Variants in MUCL1 observed in about 807,000 individuals in gnomAD.
MUCL1 encodes mucin-like protein 1.
MUCL1 carries 11 observed loss-of-function variants against 9.2 expected under a neutral mutation model. That is an observed-to-expected ratio of 1.19 (90% confidence interval 0.75 to 1.97). MUCL1 has a LOEUF of 1.97. Among genes scored for constraint, MUCL1 ranks in the 30% most tolerant of loss-of-function variants. The probability of loss-of-function intolerance (pLI) is 0.00; values close to 1 mark genes in which losing one functional copy is unlikely to be tolerated. For missense variants in MUCL1, 144 were observed against 110.9 expected (o/e 1.30, Z -1.34); for synonymous variants, 48 against 40.5 (o/e 1.19, Z -0.71).
intron 1 of MUCL1, among the ~76,000 whole-genome samples, chr12:54,840,926 G>A (rs2135940873): frequency 6.6e-6 from 1 of 152,226 alleles, no homozygotes; most frequent in East Asian, 1.9e-4. Context: ...ACTCAAAACT[G>A]CCCCATGCCA....
chr12:54,850,162 T>A (rs1160743360), upstream of MUCL1, among the ~76,000 whole-genome samples: 1 of 151,502 alleles, frequency 6.6e-6, no homozygotes, highest in Non-Finnish European at 1.5e-5. Context: ...TAACTACTCA[T>A]TTTTTTTTAT....
At chr12:54,855,007 C>T in intron 1 of MUCL1, 109 bp from the exon 2 acceptor site, 1 of 897,186 alleles carries the variant, frequency 1.1e-6, no homozygotes, top group Middle Eastern at 2.1e-4. Context: ...ACACCAAGGA[C>T]TGAGGGTCTT....
intron 1 of MUCL1, among the ~76,000 whole-genome samples, chr12:54,842,417 A>G (rs566076685): frequency 3.9e-5 from 6 of 152,156 alleles, no homozygotes; most frequent in Non-Finnish European, 7.4e-5. Context: ...TTTATCATGT[A>G]CAACATGTTT....
At chr12:54,838,788 A>G (rs766899362), upstream of MUCL1, among the ~76,000 whole-genome samples, 92 of 152,154 alleles carry the variant, frequency 6.0e-4, no homozygotes, top group Non-Finnish European at 1.0e-3. Flanking sequence ...TTTTTCTTTA[A>G]GATATCTATC....
chr12:54,840,853 G>A (rs1959207144), intron 1 of MUCL1, among the ~76,000 whole-genome samples: 1 of 152,152 alleles, frequency 6.6e-6, no homozygotes, highest in South Asian at 2.1e-4. Context: ...GGCAAAGCAG[G>A]CCTCATACCT....
At chr12:54,850,495 T>C (rs11171128), upstream of MUCL1, among the ~76,000 whole-genome samples, 68,646 of 151,734 alleles carry the variant, frequency 0.45, 16,501 homozygotes, top group East Asian at 0.84. Context: ...GAACTCATCA[T>C]TTTTTATGGC....
chr12:54,841,315 G>C (rs958464948), intron 1 of MUCL1, among the ~76,000 whole-genome samples: 1 of 152,136 alleles, frequency 6.6e-6, no homozygotes, highest in Non-Finnish European at 1.5e-5. Flanking sequence ...ACATGAAGGG[G>C]CACAGATATC....
intron 1 of MUCL1, among the ~76,000 whole-genome samples, chr12:54,845,138 T>C (rs1454640): frequency 0.44 from 66,609 of 152,036 alleles, 15,492 homozygotes; most frequent in East Asian, 0.84. Flanking sequence ...ATGGCCTTTC[T>C]TTGCAGCTTG....
chr12:54,837,478 C>G (rs1292217788), upstream of MUCL1, among the ~76,000 whole-genome samples: 2 of 151,880 alleles, frequency 1.3e-5, no homozygotes, highest in African/African-American at 4.8e-5. Flanking sequence ...TATAAGAATC[C>G]TTATGGGCTG....
intron 1 of MUCL1, among the ~76,000 whole-genome samples, chr12:54,833,863 C>G (rs1959188793): frequency 1.3e-5 from 2 of 151,834 alleles, no homozygotes. Context: ...GGAAATATAC[C>G]TAATGCTAAA....
chr12:54,839,181 T>C (rs547587309), upstream of MUCL1, among the ~76,000 whole-genome samples: 176 of 152,114 alleles, frequency 1.2e-3, 1 homozygote, highest in African/African-American at 4.2e-3. Flanking sequence ...CTTTCAAATA[T>C]GAAGACTCTG....
At chr12:54,841,199 G>A (rs1959209796) in intron 1 of MUCL1, among the ~76,000 whole-genome samples, 1 of 152,126 alleles carries the variant, frequency 6.6e-6, no homozygotes, top group Non-Finnish European at 1.5e-5. Context: ...ATACATACAT[G>A]TATATGTAGT....
upstream of MUCL1, among the ~76,000 whole-genome samples, chr12:54,839,018 T>C (rs1959199040): frequency 6.6e-6 from 1 of 152,158 alleles, no homozygotes; most frequent in Non-Finnish European, 1.5e-5. Context: ...ATTGCCAGAA[T>C]TATTTTTCTA....
chr12:54,848,019 C>T (rs915342456), intron 1 of MUCL1, among the ~76,000 whole-genome samples: 7 of 121,680 alleles, frequency 5.8e-5, no homozygotes, highest in South Asian at 3.0e-4. Flanking sequence ...TTCCCTTCAT[C>T]TCAATTCTTT....
chr12:54,853,219 C>G (rs149041546), upstream of MUCL1, among the ~76,000 whole-genome samples: 32 of 152,206 alleles, frequency 2.1e-4, no homozygotes, highest in Non-Finnish European at 4.0e-4. Flanking sequence ...AACTTTAAAG[C>G]AAGGGAAATC....
At chr12:54,835,322 A>T (rs1203394607), upstream of MUCL1, among the ~76,000 whole-genome samples, 4 of 152,044 alleles carry the variant, frequency 2.6e-5, no homozygotes, top group South Asian at 4.2e-4. Flanking sequence ...GTTCTTTGAG[A>T]ACTCTCCATA....
At chr12:54,847,511 A>G (rs761593498) in intron 1 of MUCL1, among the ~76,000 whole-genome samples, 5 of 152,194 alleles carry the variant, frequency 3.3e-5, no homozygotes, top group Non-Finnish European at 7.3e-5. Flanking sequence ...GCTACTTGGG[A>G]GGCTAAGGCA....
At chr12:54,832,796 T>C (rs1357638711) in intron 1 of MUCL1, among the ~76,000 whole-genome samples, 2 of 152,100 alleles carry the variant, frequency 1.3e-5, no homozygotes, top group African/African-American at 2.4e-5. Flanking sequence ...ATGTGTCAAA[T>C]AAGAAGTGAT....
chr12:54,834,860 T>C (rs1959190341), upstream of MUCL1, among the ~76,000 whole-genome samples: 2 of 152,116 alleles, frequency 1.3e-5, no homozygotes, highest in Admixed American at 1.3e-4. Context: ...GCAGTGTACA[T>C]TGTATCCAAT....
Sources: gnomAD v4.1 joint callset for allele counts (sites outside exome capture counted in the v4.1 genomes callset) on GRCh38, gnomAD v4.1.1 for gene constraint, MANE v1.5 for transcripts, NCBI Gene and HGNC (gene_info 2026-07-23, HGNC 2026-07-21) for gene names.